The following CCDC125 variants were observed in gnomAD, a reference collection of about 807,000 sequenced individuals.
CCDC125 encodes the protein coiled-coil domain containing 125.
Under a neutral mutation model 57.4 loss-of-function variants are expected in CCDC125, and 43 were observed. The ratio of observed to expected loss-of-function variants is 0.75; its 90% CI spans 0.59 to 0.97. The LOEUF (loss-of-function observed/expected upper bound fraction) is 0.97, where lower values mean the gene tolerates loss of function less well. Ranked by LOEUF, CCDC125 falls within the 50% of genes least tolerant of loss-of-function variation. The probability of loss-of-function intolerance (pLI) is 0.00; values close to 1 mark genes in which losing one functional copy is unlikely to be tolerated. For synonymous variants in CCDC125, 187 were observed against 195.2 expected (o/e 0.96, Z 0.35); for missense variants, 563 against 595.7 (o/e 0.95, Z 0.57).
chr5:69,316,774 A>G (rs1409635781), intron 2 of CCDC125, among the ~76,000 whole-genome samples: 1 of 151,998 alleles, frequency 6.6e-6, no homozygotes, highest in African/African-American at 2.4e-5. Context: ...CGGCCTCCCA[A>G]AATGCTGGGA....
Position 69,320,185 on chromosome 5 carries a change from CT to C in CCDC125, c.304+51del, listed in dbSNP as rs201600424. 2,673 of 1,456,598 alleles carry C rather than the reference CT, an allele frequency of 1.8e-3. 46 individuals are homozygous for C. In the African/African-American group the frequency reaches 0.033, roughly 18 times the overall value. 90.2% of individuals were successfully genotyped at this position (1,456,598 alleles called of 1,614,324 possible). Reference sequence around the variant, plus strand: ...ATTTTAGATTTTGGAAGGGTTATAGCTTTGATACTATGCACAGGAGAAAGAA... The same window carrying C: ...ATTTTAGATTTTGGAAGGGTTATAGCTTGATACTATGCACAGGAGAAAGAA... On this transcript the variant is annotated intron_variant, in intron 2 of 11. Coordinates refer to ENST00000396496, the MANE Select transcript of CCDC125 (RefSeq NM_176816.5).
At chr5:69,279,769 A>G (rs1752378396), downstream of CCDC125, among the ~76,000 whole-genome samples, 1 of 152,136 alleles carries the variant, frequency 6.6e-6, no homozygotes, top group African/African-American at 2.4e-5. Context: ...ATCTGAGGAC[A>G]CTCAAAATGT....
intron 2 of CCDC125, among the ~76,000 whole-genome samples, chr5:69,316,087 C>A: frequency 6.6e-6 from 1 of 152,116 alleles, no homozygotes; most frequent in Non-Finnish European, 1.5e-5. Context: ...ATGACAGTAT[C>A]TAAGGCAAAA....
chr5:69,329,575 C>A (rs1320724280), intron 1 of CCDC125, among the ~76,000 whole-genome samples: 1 of 144,458 alleles, frequency 6.9e-6, no homozygotes, highest in Non-Finnish European at 1.5e-5. Context: ...GTGATCACGG[C>A]TCACTGCAAC....
chr5:69,285,175 A>AT (rs1554070804), intron 11 of CCDC125, among the ~76,000 whole-genome samples, 162 bp downstream of exon 11: 8 of 151,872 alleles, frequency 5.3e-5, no homozygotes, highest in Admixed American at 2.6e-4. Context: ...GAACTAAAAA[A>AT]ATATATATAT....
chr5:69,311,051 A>C, intron 4 of CCDC125, 67 bp downstream of exon 4: 2 of 1,100,040 alleles, frequency 1.8e-6, no homozygotes, highest in Non-Finnish European at 2.7e-6. Flanking sequence ...TGGTTTTAAA[A>C]GTTAAAACCA....
intron 4 of CCDC125, 90 bp from the exon 5 acceptor site, chr5:69,308,118 G>A: frequency 2.2e-6 from 2 of 896,988 alleles, no homozygotes; most frequent in Non-Finnish European, 1.8e-6. Context: ...TAAGGCAATG[G>A]AAAATTAAGA....
intron 2 of CCDC125, among the ~76,000 whole-genome samples, chr5:69,315,447 AAAC>A (rs1561468021): frequency 8.8e-5 from 1 of 11,418 alleles, no homozygotes; most frequent in African/African-American, 1.6e-4. Flanking sequence ...CAAAAAAAAA[AAAC>A]AAAAAAAAAA....
intron 3 of CCDC125, 29 bp downstream of exon 3, chr5:69,313,956 A>G: frequency 1.3e-6 from 2 of 1,528,858 alleles, no homozygotes; most frequent in South Asian, 2.2e-5. Flanking sequence ...AGCTAAACTG[A>G]TAATTTTTAT....
At chr5:69,304,949 G>T (rs1314431508) in intron 6 of CCDC125, among the ~76,000 whole-genome samples, 1 of 151,916 alleles carries the variant, frequency 6.6e-6, no homozygotes, top group Admixed American at 6.6e-5. Flanking sequence ...CCACTCTGGT[G>T]GGGGATGTTG....
Position 69,283,021 on chromosome 5 carries a change from T to A in CCDC125, c.1244A>T (p.Glu415Val), listed in dbSNP as rs1286205230. 6.3e-7 allele frequency: 1 copy of A among 1,591,154 alleles called. No homozygotes were observed. The highest frequency in any genetic ancestry group is 1.4e-5 in the African/African-American group (1 of 73,486). The stretch of plus-strand genomic sequence containing the variant: ...TTTTCTTTGATGAGCCAAAGCTTCT[T>A]CTTTATCATTAAGCTGCATGCACAG... ...KMLIDLLNDK[E>V]EALAHQRKVS... Residue 415 changes from glutamate (E) to valine (V), a missense_variant, in exon 12 of 12, where the codon GAA becomes GTA. By Grantham distance (121) the Glu-to-Val change is moderately radical (BLOSUM62 -2). Transcript: ENST00000396496.
In CCDC125 at chr5:69,300,465, G is replaced by A. The variant is rs1296911740; in HGVS notation, c.701-338C>T. ...GACTTTATGGTTAGTGAGAAAACTGGATGGTGAGATCTCATATATTGTATC... is the reference window on the plus strand; with the variant it reads ...GACTTTATGGTTAGTGAGAAAACTGAATGGTGAGATCTCATATATTGTATC... On this transcript the variant is annotated intron_variant, in intron 7 of 11. Transcript: ENST00000396496. Among the ~76,000 whole-genome samples the A allele has an allele frequency of 2.0e-5, 3 of 152,292 alleles. No homozygotes were observed. In the East Asian group the frequency reaches 5.8e-4, roughly 29 times the overall value.
At chr5:69,276,958 C>A, downstream of CCDC125, 1 of 702,820 alleles carries the variant, frequency 1.4e-6, no homozygotes, top group Non-Finnish European at 2.4e-6. Flanking sequence ...CTGTAAACTA[C>A]ATGCTAAATG....
chr5:69,302,351 G>A (rs1369645607), intron 7 of CCDC125, among the ~76,000 whole-genome samples: 9 of 140,804 alleles, frequency 6.4e-5, no homozygotes, highest in Non-Finnish European at 1.1e-4. Flanking sequence ...GAACTGGGAG[G>A]TGGAGGTTGC....
chr5:69,293,143 CTTTT>C (rs1482817316), intron 9 of CCDC125, among the ~76,000 whole-genome samples: 1 of 148,258 alleles, frequency 6.7e-6, no homozygotes, highest in Non-Finnish European at 1.5e-5. Context: ...CCCGGTCTTT[CTTTT>C]TGTTTTGGAG....
At position 69,280,276 on chromosome 5, in the gene CCDC125, C is replaced by T. The variant is rs1418701974; in HGVS notation, c.*2453G>A. On this transcript the variant is annotated 3_prime_UTR_variant, in exon 12 of 12. Coordinates refer to ENST00000396496, the MANE Select transcript of CCDC125 (RefSeq NM_176816.5). ...AGTAGGGACTTTCCCTTCTAGAGAG[C>T]ATACACATTTTGATTTTACCTGTCC... 6.6e-6 allele frequency: 1 copy of T among 152,220 alleles called. No individual in the cohort carries two copies. The highest frequency in any genetic ancestry group is 1.9e-4 in the East Asian group (1 of 5,206). 9.4% of individuals were successfully genotyped at this position (152,220 alleles called of 1,614,324 possible). A position where few individuals can be genotyped will look rare whatever the true frequency, so the allele number is the denominator to read the frequency against.
chr5:69,284,234 AT>A (rs1752946522), intron 11 of CCDC125, among the ~76,000 whole-genome samples: 1 of 152,216 alleles, frequency 6.6e-6, no homozygotes. Flanking sequence ...CATATAAAAA[AT>A]ATATCAACGT....
chr5:69,306,518 G>A (rs1221517903), intron 6 of CCDC125, among the ~76,000 whole-genome samples: 1 of 152,018 alleles, frequency 6.6e-6, no homozygotes, highest in African/African-American at 2.4e-5. Flanking sequence ...TGTAGAGATA[G>A]GGTTTCAACA....
intron 8 of CCDC125, among the ~76,000 whole-genome samples, chr5:69,298,812 T>G (rs1175126470): frequency 6.6e-6 from 1 of 152,208 alleles, no homozygotes; most frequent in East Asian, 1.9e-4. Flanking sequence ...ATACTAGTTT[T>G]CCACCCATGG....
Sources: allele counts gnomAD v4.1 joint callset (sites outside exome capture counted in the v4.1 genomes callset), GRCh38; gene constraint gnomAD v4.1.1; transcripts MANE v1.5; gene names NCBI Gene and HGNC (gene_info 2026-07-23, HGNC 2026-07-21).